Variants in TTLL7 observed in about 807,000 individuals in gnomAD.
TTLL7 encodes the protein tubulin tyrosine ligase like 7, also known as tubulin polyglutamylase TTLL7.
Under a neutral mutation model 120.2 loss-of-function variants are expected in TTLL7, and 53 were observed. The observed-to-expected ratio is 0.44, with a 90% CI of 0.35 to 0.55. The LOEUF is 0.55. TTLL7 is among the 20% of genes least tolerant of loss of function. TTLL7 has a pLI of 0.00. For missense variants in TTLL7, 803 were observed against 1,054.7 expected (o/e 0.76, Z 3.31); for synonymous variants, 353 against 351.7 (o/e 1.00, Z -0.04).
chr1:83,866,639 C>T lies in TTLL7; in HGVS notation c.*3323G>A, dbSNP rs1303333981. On this transcript the variant is annotated 3_prime_UTR_variant, in exon 21 of 21. Coordinates refer to ENST00000260505, the MANE Select transcript of TTLL7 (RefSeq NM_024686.6). ...TAGATCTTTGCATCTTACCGACAAC[C>T]AAGGACATTCAACTATGTTCTAGGC... 2 of 151,826 alleles carry T rather than the reference C, an allele frequency of 1.3e-5. No homozygotes were observed. The highest frequency in any genetic ancestry group is 2.4e-5 in the African/African-American group (1 of 41,408). The allele number at this position is 151,826 out of a possible 1,614,324, so 9.4% of individuals were successfully genotyped here. A position where few individuals can be genotyped will look rare whatever the true frequency, so the allele number is the denominator to read the frequency against.
chr1:83,961,636 A>C (rs573669389), intron 1 of TTLL7, among the ~76,000 whole-genome samples: 6 of 152,296 alleles, frequency 3.9e-5, no homozygotes, highest in African/African-American at 1.4e-4. Context: ...AGCAAATAAC[A>C]GCTATAACTC....
rs528589205 is a variant in TTLL7, at chr1:83,891,873, G to A, written c.2209-1392C>T. On this transcript the variant is annotated intron_variant, in intron 18 of 20. Transcript: ENST00000260505. ...GGCAAGGTCTCGCTCTGTCACCCAGGCTGGAGTGCAGGGGCATGATCTCGG... is the reference window on the plus strand; with the variant it reads ...GGCAAGGTCTCGCTCTGTCACCCAGACTGGAGTGCAGGGGCATGATCTCGG... 3.3e-5 allele frequency among the ~76,000 whole-genome samples: 5 copies of A among 151,966 alleles called. No homozygotes were observed. In the South Asian group the frequency reaches 1.0e-3, roughly 32 times the overall value.
At chr1:83,990,711 G>A (rs1652918630) in intron 1 of TTLL7, among the ~76,000 whole-genome samples, 1 of 152,198 alleles carries the variant, frequency 6.6e-6, no homozygotes, top group Non-Finnish European at 1.5e-5. Context: ...AAGTGGCAAG[G>A]TTGAGGAGAA....
intron 4 of TTLL7, chr1:83,949,164 A>C (rs954530833): frequency 2.0e-5 from 3 of 152,904 alleles, no homozygotes; most frequent in African/African-American, 7.2e-5. Flanking sequence ...TTTTCTTCTG[A>C]ATATAAGTTT....
intron 7 of TTLL7, among the ~76,000 whole-genome samples, chr1:83,940,519 C>G (rs939297694): frequency 6.6e-6 from 1 of 152,114 alleles, no homozygotes; most frequent in African/African-American, 2.4e-5. Flanking sequence ...CCTGTATTCC[C>G]TTATCACAAT....
chr1:83,991,167 A>T (rs1412971689), intron 1 of TTLL7, among the ~76,000 whole-genome samples: 3 of 152,144 alleles, frequency 2.0e-5, no homozygotes, highest in Non-Finnish European at 4.4e-5. Context: ...CATAAAGTAG[A>T]ATAGTGGTTA....
chr1:83,992,507 A>G (rs769511622), intron 1 of TTLL7, among the ~76,000 whole-genome samples: 1 of 152,152 alleles, frequency 6.6e-6, no homozygotes, highest in Non-Finnish European at 1.5e-5. Flanking sequence ...ATGACAGCAA[A>G]TACTAGCATC....
intron 20 of TTLL7, chr1:83,880,026 TTC>T (rs1357534568): frequency 6.6e-6 from 1 of 151,978 alleles, no homozygotes; most frequent in Non-Finnish European, 1.5e-5. Flanking sequence ...AGTGAATTAC[TTC>T]TTAGATTGAA....
chr1:83,884,901 GT>G, intron 19 of TTLL7, among the ~76,000 whole-genome samples: 1 of 151,776 alleles, frequency 6.6e-6, no homozygotes, highest in East Asian at 1.9e-4. Context: ...AAATACTGGG[GT>G]TTTTTAATTG....
intron 1 of TTLL7, among the ~76,000 whole-genome samples, chr1:83,960,356 AAG>A (rs1251214431): frequency 6.6e-6 from 1 of 152,168 alleles, no homozygotes; most frequent in East Asian, 1.9e-4. Context: ...ACAAAAGTCC[AAG>A]AGAGAGAAGA....
At chr1:83,900,660 A>C (rs685472) in intron 18 of TTLL7, among the ~76,000 whole-genome samples, 40,456 of 151,908 alleles carry the variant, frequency 0.27, 6,710 homozygotes, top group East Asian at 0.6. Context: ...GAGATGCCTT[A>C]TCACTGTGAT....
intron 9 of TTLL7, among the ~76,000 whole-genome samples, chr1:83,932,263 C>A (rs1659658933): frequency 6.6e-6 from 1 of 151,894 alleles, no homozygotes; most frequent in African/African-American, 2.4e-5. Flanking sequence ...CCATCAATGA[C>A]AAAAGAAAAG....
intron 20 of TTLL7, among the ~76,000 whole-genome samples, chr1:83,875,896 C>T (rs1378666947): frequency 6.6e-6 from 1 of 151,720 alleles, no homozygotes; most frequent in African/African-American, 2.4e-5. Context: ...GCTTTTCCAC[C>T]TCTTAATGGG....
intron 14 of TTLL7, among the ~76,000 whole-genome samples, chr1:83,914,369 G>A: frequency 9.1e-6 from 1 of 109,440 alleles, no homozygotes; most frequent in Non-Finnish European, 1.7e-5. Context: ...GTCTTGCTCT[G>A]TCGCCAAGCC....
intron 20 of TTLL7, among the ~76,000 whole-genome samples, chr1:83,881,615 T>C (rs964716590): frequency 5.3e-5 from 8 of 151,756 alleles, no homozygotes; most frequent in African/African-American, 1.7e-4. Flanking sequence ...TGTGGAGAAA[T>C]AGGAACACTT....
intron 13 of TTLL7, 86 bp from the exon 14 acceptor site, chr1:83,917,776 G>A: frequency 1.2e-6 from 1 of 817,598 alleles, no homozygotes; most frequent in South Asian, 1.7e-5. Flanking sequence ...AAATAATGCA[G>A]AGCAAGGATT....
chr1:83,920,525 T>G (rs1027773900), intron 12 of TTLL7: 1 of 151,012 alleles, frequency 6.6e-6, no homozygotes, highest in African/African-American at 2.5e-5. Flanking sequence ...CATCTTACCA[T>G]GAGTGCAAGA....
At chr1:83,977,637 T>C (rs1292720448) in intron 1 of TTLL7, among the ~76,000 whole-genome samples, 3 of 152,154 alleles carry the variant, frequency 2.0e-5, no homozygotes, top group Non-Finnish European at 4.4e-5. Flanking sequence ...ATTCTGATGA[T>C]GTCCAAAGTA....
chr1:83,924,234 G>C lies in TTLL7; in HGVS notation c.1143-2840C>G, dbSNP rs867940917. On this transcript the variant is annotated intron_variant, in intron 10 of 20. Transcript: ENST00000260505. ...GTATGATGAGTACTATTTGAAATGT[G>C]GGGGGAAGTATGATGATAGCACAAA... is the stretch of plus-strand genomic sequence containing the variant. Among the ~76,000 whole-genome samples, 8 of 152,150 alleles carry C rather than the reference G, an allele frequency of 5.3e-5. No homozygotes were observed. In the South Asian group the frequency reaches 1.0e-3, roughly 20 times the overall value.
Sources: allele counts gnomAD v4.1 joint callset (sites outside exome capture counted in the v4.1 genomes callset), GRCh38; gene constraint gnomAD v4.1.1; transcripts MANE v1.5; gene names NCBI Gene and HGNC (gene_info 2026-07-23, HGNC 2026-07-21).